Variants in BRD9 observed in about 807,000 individuals in gnomAD.
The protein encoded by BRD9 is bromodomain-containing protein 9.
BRD9 carries 47 observed loss-of-function variants against 68.7 expected under a neutral mutation model. That is an observed-to-expected ratio of 0.68 (90% CI 0.54 to 0.87). The LOEUF (loss-of-function observed/expected upper bound fraction) is 0.87. Ranked by LOEUF, BRD9 falls within the 40% of genes least tolerant of loss-of-function variation. The pLI is 0.00. For synonymous variants in BRD9, 313 were observed against 293.9 expected, an observed-to-expected ratio of 1.06 and a Z score of -0.67; for missense variants, 670 against 748.4, an observed-to-expected ratio of 0.90 and a Z score of 1.22.
At chr5:881,015 G>T in intron 9 of BRD9, 92 bp downstream of exon 9, 1 of 1,348,990 alleles carries the variant, frequency 7.4e-7, no homozygotes, top group Non-Finnish European at 1.0e-6. Context: ...GCTGCCCCAT[G>T]GCCATGGCTC....
chr5:873,552 G>A (rs1011135241), intron 12 of BRD9, among the ~76,000 whole-genome samples: 17 of 152,276 alleles, frequency 1.1e-4, no homozygotes, highest in African/African-American at 2.4e-4. Flanking sequence ...CCTTATGCAC[G>A]ACTCTGCCTT....
At chr5:883,194 C>A in intron 8 of BRD9, 1 of 388,434 alleles carries the variant, frequency 2.6e-6, no homozygotes, top group Non-Finnish European at 5.1e-6. Context: ...CTGAAATGCC[C>A]CCACTTCAGC....
rs752761624 is a variant in BRD9 at position 881,118 on chromosome 5, G to A, written c.1031C>T (p.Pro344Leu). The change falls in exon 9 of 16, where the codon CCG (proline) becomes CTG (leucine). Residue 344 changes from proline to leucine, a missense_variant. Pro to Leu is a moderately conservative substitution (Grantham distance 98). This residue lies in a region of BRD9 where 135 missense variants were observed against 141.2 expected (regional missense o/e 0.96). Coordinates refer to ENST00000467963, the MANE Select transcript of BRD9 (RefSeq NM_023924.5). The stretch of plus-strand genomic sequence containing the variant: ...GAGCGGGCACCCACCATCAGCGTCC[G>A]GCTCGGCCGTGTTGACCACGCTGTA... ...LLYSVVNTAE[P>L]DADEEETHPV... is the part of the protein sequence containing the mutation. 2.6e-5 allele frequency: 42 copies of A among 1,613,952 alleles called. No individual in the cohort carries two copies. The highest frequency in any genetic ancestry group is 9.3e-5 in the African/African-American group (7 of 74,940).
At chr5:867,929 G>T (rs1749592430) in intron 14 of BRD9, among the ~76,000 whole-genome samples, 1 of 152,236 alleles carries the variant, frequency 6.6e-6, no homozygotes, top group African/African-American at 2.4e-5. Flanking sequence ...AAGGACAAAA[G>T]ATTCGAGAGG....
intron 14 of BRD9, 25 bp from the exon 15 acceptor site, chr5:865,606 C>T (rs778388859): frequency 1.4e-5 from 22 of 1,565,604 alleles, no homozygotes; most frequent in African/African-American, 8.1e-5. Flanking sequence ...CATGACCCCA[C>T]GTCGGCTGAG....
intron 7 of BRD9, among the ~76,000 whole-genome samples, chr5:886,324 T>C (rs1752558723): frequency 1.3e-5 from 2 of 152,112 alleles, no homozygotes; most frequent in Non-Finnish European, 2.9e-5. Flanking sequence ...TAACGGCGTG[T>C]AGAGACAGAG....
chr5:882,465 G>C (rs1224091462), intron 8 of BRD9: 15 of 151,396 alleles, frequency 9.9e-5, no homozygotes. Flanking sequence ...CCCAACACGT[G>C]AGCCACGCAG....
intron 11 of BRD9, among the ~76,000 whole-genome samples, chr5:878,027 C>T (rs1348624058): frequency 1.3e-5 from 2 of 152,202 alleles, no homozygotes. Context: ...AATAAGACCC[C>T]AGTCTGTGGT....
rs568678137 is a variant in BRD9, at chr5:870,526, G to A, written c.1472C>T (p.Ser491Leu). The A allele has an allele frequency of 6.4e-5, 104 of 1,614,170 alleles. No individual in the cohort carries two copies. In the East Asian group the frequency reaches 2.0e-3, roughly 32 times the overall value. Residue 491 changes from serine (S) to leucine (L), a missense_variant, in exon 14 of 16, where the codon TCG (serine) becomes TTG (leucine). By Grantham distance (145) the Ser-to-Leu change is moderately radical. Transcript: ENST00000467963. ...DSSSSVLEFM[S>L]MKSYPDVSVD... is the part of the protein sequence containing the mutation. The stretch of plus-strand genomic sequence containing the variant: ...AGAAACGTCGGGATAGGACTTCATC[G>A]ACATGAACTCCAGAACAGAGCTGCT...
chr5:888,016 A>G (rs983719531), intron 5 of BRD9, among the ~76,000 whole-genome samples: 8 of 152,258 alleles, frequency 5.3e-5, no homozygotes, highest in African/African-American at 1.9e-4. Flanking sequence ...ATGAGAGGCC[A>G]GTTTCCTCAG....
intron 8 of BRD9, chr5:882,063 A>C (rs1334806157): frequency 6.5e-6 from 1 of 152,688 alleles, no homozygotes; most frequent in Non-Finnish European, 1.5e-5. Flanking sequence ...GCAGACACAC[A>C]CAACAGGCAT....
chr5:891,933 A>G, intron 1 of BRD9, 79 bp from the exon 2 acceptor site: 1 of 1,528,464 alleles, frequency 6.5e-7, no homozygotes, highest in Non-Finnish European at 8.8e-7. Flanking sequence ...GAAGGTGCTA[A>G]GAGGGAAAGG....
At chr5:870,141 T>C (rs1749926930) in intron 14 of BRD9, 1 of 260,788 alleles carries the variant, frequency 3.8e-6, no homozygotes, top group Admixed American at 5.0e-5. Flanking sequence ...GCAATGAGGC[T>C]CCCTAGGGAA....
In BRD9 at chr5:883,928, A is replaced by T. The variant is rs1752177161; in HGVS notation, c.966+10T>A. On this transcript the variant is annotated intron_variant, in intron 8 of 15. Coordinates refer to ENST00000467963, the MANE Select transcript of BRD9 (RefSeq NM_023924.5). ...CGTGGCACCCTCTCTCGGTGGCCAC[A>T]GAGCACTACCTTGCCGCCTGGGAGG... is the stretch of plus-strand genomic sequence containing the variant. The T allele has an allele frequency of 6.2e-7, 1 of 1,607,884 alleles. No individual in the cohort carries two copies. The highest frequency in any genetic ancestry group is 2.2e-5 in the East Asian group (1 of 44,786).
intron 12 of BRD9, among the ~76,000 whole-genome samples, chr5:875,338 G>T (rs923866781): frequency 7.3e-5 from 11 of 150,572 alleles, no homozygotes; most frequent in African/African-American, 2.5e-4. Context: ...AGATGACAAT[G>T]ACTTCAGACG....
intron 11 of BRD9, among the ~76,000 whole-genome samples, chr5:877,836 A>G (rs766983347): frequency 4.6e-5 from 7 of 152,172 alleles, no homozygotes; most frequent in South Asian, 2.1e-4. Context: ...CCCTGATCCA[A>G]TATGACCAGG....
At chr5:865,646 G>A in intron 14 of BRD9, 65 bp from the exon 15 acceptor site, 1 of 1,485,310 alleles carries the variant, frequency 6.7e-7, no homozygotes, top group East Asian at 2.3e-5. Context: ...CTAAGGGCAG[G>A]AGCACACTGC....
At position 889,888 on chromosome 5, in the gene BRD9, A is replaced by G. The variant is rs540477554; in HGVS notation, c.401-241T>C. The G allele has an allele frequency of 4.6e-6, 3 of 654,298 alleles. 1 individual carries two copies. The highest frequency in any genetic ancestry group is 4.5e-5 in the South Asian group (3 of 66,098). The allele number at this position is 654,298 out of a possible 1,614,324, so 40.5% of individuals were successfully genotyped here. Reference sequence around the variant, plus strand: ...TGTAATAACCGGTAGCCCTTACATCAACAATATGTGGTGATCACTTAGCAA... The same window carrying G: ...TGTAATAACCGGTAGCCCTTACATCGACAATATGTGGTGATCACTTAGCAA... On this transcript the variant is annotated intron_variant, in intron 3 of 15. Coordinates refer to ENST00000467963, the MANE Select transcript of BRD9 (RefSeq NM_023924.5).
At chr5:865,876 G>A in intron 14 of BRD9, 1 of 299,602 alleles carries the variant, frequency 3.3e-6, no homozygotes, top group East Asian at 5.7e-5. Context: ...GTGGAGGGAT[G>A]TGGCCACAAC....
Sources: gnomAD v4.1 joint callset for allele counts (sites outside exome capture counted in the v4.1 genomes callset) on GRCh38, gnomAD v4.1.1 for gene constraint, gnomAD v4.1.1 regional missense constraint, MANE v1.5 for transcripts, NCBI Gene and HGNC (gene_info 2026-07-23, HGNC 2026-07-21) for gene names.